SPIDR: variants seen among roughly 807,000 people sequenced by gnomAD.
The protein encoded by SPIDR is scaffold protein involved in DNA repair.
A neutral mutation model predicts 104.6 loss-of-function variants in SPIDR; 93 were observed. That is an observed-to-expected ratio of 0.89 (90% CI 0.75 to 1.06). SPIDR has a LOEUF of 1.06. SPIDR is among the 50% of genes least tolerant of loss of function. The pLI is 0.00. For synonymous variants in SPIDR, 431 were observed against 416.9 expected (o/e 1.03, Z -0.41); for missense variants, 1,154 against 1,111.2 (o/e 1.04, Z -0.55).
intron 8 of SPIDR, among the ~76,000 whole-genome samples, chr8:47,482,316 T>A (rs919617314): frequency 3.9e-5 from 6 of 152,080 alleles, no homozygotes; most frequent in Non-Finnish European, 8.8e-5. Flanking sequence ...GTGCCTATAG[T>A]CCCAGCTACT....
At chr8:47,421,511 C>G (rs2065454744) in intron 7 of SPIDR, among the ~76,000 whole-genome samples, 1 of 152,106 alleles carries the variant, frequency 6.6e-6, no homozygotes, top group Non-Finnish European at 1.5e-5. Flanking sequence ...AGCCATTCGT[C>G]TAATCTTTTT....
intron 8 of SPIDR, among the ~76,000 whole-genome samples, chr8:47,490,618 T>C (rs1313731453): frequency 6.6e-6 from 1 of 152,170 alleles, no homozygotes; most frequent in Non-Finnish European, 1.5e-5. Context: ...AATGATAGAC[T>C]GGATTAAGAA....
At chr8:47,500,734 T>G (rs2080268081) in intron 8 of SPIDR, among the ~76,000 whole-genome samples, 1 of 152,222 alleles carries the variant, frequency 6.6e-6, no homozygotes, top group South Asian at 2.1e-4. Context: ...ATGTCCTGAA[T>G]GGTATTGCCT....
chr8:47,298,492 C>T (rs1378884027), intron 5 of SPIDR, among the ~76,000 whole-genome samples: 3 of 152,072 alleles, frequency 2.0e-5, no homozygotes, highest in Non-Finnish European at 2.9e-5. Context: ...CTTTTGTTGC[C>T]ATTGCTTTTG....
chr8:47,613,057 G>A (rs1349617946), intron 10 of SPIDR, among the ~76,000 whole-genome samples: 1 of 152,134 alleles, frequency 6.6e-6, no homozygotes, highest in African/African-American at 2.4e-5. Context: ...TTCAGTGGTA[G>A]CACATTCACA....
At chr8:47,518,796 C>G (rs955165239) in intron 8 of SPIDR, among the ~76,000 whole-genome samples, 7 of 152,076 alleles carry the variant, frequency 4.6e-5, no homozygotes, top group African/African-American at 1.7e-4. Flanking sequence ...GCCACCACGC[C>G]TGGCTAGTTT....
intron 14 of SPIDR, among the ~76,000 whole-genome samples, chr8:47,702,539 G>A (rs7001666): frequency 0.011 from 1,654 of 152,220 alleles, 32 homozygotes; most frequent in African/African-American, 0.036. Flanking sequence ...CTGTTCTAGG[G>A]AGCAGTGGCC....
In SPIDR at chr8:47,291,057, G is replaced by T. The variant is rs1211627737; in HGVS notation, c.281G>T (p.Ser94Ile). The T allele has an allele frequency of 1.2e-5, 19 of 1,611,828 alleles. No individual in the cohort carries two copies. The East Asian group carries it at 2.9e-4, about 25-fold the overall frequency. The change falls in exon 4 of 20, where the codon AGT (serine) becomes ATT (isoleucine). Residue 94 changes from serine (S) to isoleucine (I), a missense_variant. Coordinates refer to ENST00000297423, the MANE Select transcript of SPIDR (RefSeq NM_001080394.4). ...KQETTTSKST[S>I]GLTDITWSSS... Reference sequence around the variant, plus strand: ...GAAACCACCACATCTAAAAGCACCAGTGGGCTTACAGACATAACATGGAGC... The same window carrying T: ...GAAACCACCACATCTAAAAGCACCATTGGGCTTACAGACATAACATGGAGC...
chr8:47,717,034 G>A (rs551339824), intron 16 of SPIDR, among the ~76,000 whole-genome samples: 4 of 152,294 alleles, frequency 2.6e-5, no homozygotes, highest in South Asian at 4.2e-4. Flanking sequence ...CCTGGCCCAC[G>A]TGAGCCAGCG....
intron 8 of SPIDR, among the ~76,000 whole-genome samples, chr8:47,441,807 G>A (rs1369866168): frequency 1.3e-5 from 2 of 152,032 alleles, no homozygotes; most frequent in African/African-American, 4.8e-5. Flanking sequence ...TGACACTCCT[G>A]GAATTTATCT....
At chr8:47,728,711 C>T (rs1218639770) in intron 17 of SPIDR, 2 of 443,822 alleles carry the variant, frequency 4.5e-6, no homozygotes, top group African/African-American at 2.1e-5. Flanking sequence ...CTCCCCTCTT[C>T]GGCCTCCAGC....
chr8:47,312,340 T>G (rs1459057267), intron 5 of SPIDR, among the ~76,000 whole-genome samples: 4 of 152,188 alleles, frequency 2.6e-5, no homozygotes, highest in African/African-American at 4.8e-5. Context: ...CCACCAACAG[T>G]GTAAAAGTGT....
intron 8 of SPIDR, among the ~76,000 whole-genome samples, chr8:47,464,698 C>T (rs1395990557): frequency 6.6e-6 from 1 of 152,082 alleles, no homozygotes; most frequent in Non-Finnish European, 1.5e-5. Context: ...CTCCCCTCCC[C>T]TCCCCTCCTG....
chr8:47,366,145 T>C lies in SPIDR; in HGVS notation c.526-30231T>C, dbSNP rs191010654. Among the ~76,000 whole-genome samples the C allele has an allele frequency of 1.8e-4, 27 of 152,078 alleles. No individual in the cohort carries two copies. The East Asian group carries it at 5.2e-3, about 29-fold the overall frequency. On this transcript the variant is annotated intron_variant, in intron 5 of 19. Coordinates refer to ENST00000297423, the MANE Select transcript of SPIDR (RefSeq NM_001080394.4). ...GCAGATGAGAGTGATGAGACGTCTT[T>C]TTGGAGCTGACCGTTCCCTGCTTGG...
At chr8:47,377,719 G>A (rs1382615645) in intron 5 of SPIDR, among the ~76,000 whole-genome samples, 1 of 151,804 alleles carries the variant, frequency 6.6e-6, no homozygotes, top group African/African-American at 2.4e-5. Context: ...AGTGGTCAAG[G>A]TTTCAAGCAT....
intron 5 of SPIDR, chr8:47,388,333 A>C (rs1270969880): frequency 6.5e-6 from 1 of 154,050 alleles, no homozygotes; most frequent in African/African-American, 2.4e-5. Flanking sequence ...TATTTTCTCT[A>C]TTTGGAGATA....
rs782146556 is a variant in SPIDR at position 47,440,518 on chromosome 8, A to G, written c.1073A>G (p.Asp358Gly). Residue 358 changes from aspartate (D) to glycine (G), a missense_variant, in exon 8 of 20, where the codon GAC becomes GGC. Coordinates refer to ENST00000297423, the MANE Select transcript of SPIDR (RefSeq NM_001080394.4). ...TAGYLRGRPQ[D>G]TVRIFPPWQK... ...GGCTACCTCAGGGGCCGTCCCCAGG[A>G]CACTGTCCGGATCTTCCCTCCCTGG... 1 of 1,614,186 alleles carries G rather than the reference A, an allele frequency of 6.2e-7. No individual in the cohort carries two copies. Among genetic ancestry groups the G allele is most frequent in the Non-Finnish European group, 8.5e-7 (1 of 1,180,008 alleles).
chr8:47,294,100 T>TG (rs2040410664), intron 5 of SPIDR, 70 bp downstream of exon 5: 2 of 1,535,854 alleles, frequency 1.3e-6, no homozygotes, highest in South Asian at 2.6e-5. Flanking sequence ...TCATTTTTTT[T>TG]TTTGTTTTTT....
intron 5 of SPIDR, among the ~76,000 whole-genome samples, chr8:47,357,311 C>G (rs1311941367): frequency 6.6e-6 from 1 of 152,282 alleles, no homozygotes; most frequent in African/African-American, 2.4e-5. Context: ...AATCATTCCA[C>G]CTGGTTCCCA....
Sources: gnomAD v4.1 joint callset for allele counts (sites outside exome capture counted in the v4.1 genomes callset) on GRCh38, gnomAD v4.1.1 for gene constraint, MANE v1.5 for transcripts, NCBI Gene and HGNC (gene_info 2026-07-23, HGNC 2026-07-21) for gene names.